Variants in ZCCHC7 observed in about 807,000 individuals in gnomAD.
ZCCHC7 encodes the protein zinc finger CCHC-type containing 7.
In ZCCHC7, 35 loss-of-function variants were observed where a neutral mutation model predicts 52.0. That is an observed-to-expected ratio of 0.67 (90% CI 0.51 to 0.89). ZCCHC7 has a LOEUF of 0.89. ZCCHC7 is among the 40% of genes least tolerant of loss of function. The pLI is 0.00. For synonymous variants in ZCCHC7, 217 were observed against 221.5 expected, an observed-to-expected ratio of 0.98 and a Z score of 0.18; for missense variants, 574 against 649.1, an observed-to-expected ratio of 0.88 and a Z score of 1.26.
At chr9:37,261,911 G>T (rs1826882833) in intron 2 of ZCCHC7, among the ~76,000 whole-genome samples, 1 of 152,086 alleles carries the variant, frequency 6.6e-6, no homozygotes, top group African/African-American at 2.4e-5. Context: ...ATAGGAACCA[G>T]AGGTCTTAGT....
intron 2 of ZCCHC7, among the ~76,000 whole-genome samples, chr9:37,177,816 C>G (rs149993849): frequency 6.6e-6 from 1 of 152,102 alleles, no homozygotes; most frequent in African/African-American, 2.4e-5. Context: ...CTGTAGAATA[C>G]CTAACCCAGT....
At chr9:37,346,384 A>G (rs1253928261) in intron 6 of ZCCHC7, among the ~76,000 whole-genome samples, 1 of 152,180 alleles carries the variant, frequency 6.6e-6, no homozygotes, top group African/African-American at 2.4e-5. Context: ...TTGCAACATT[A>G]AAAACAAAAT....
intron 2 of ZCCHC7, among the ~76,000 whole-genome samples, chr9:37,232,189 T>C (rs1000910827): frequency 6.6e-6 from 1 of 152,222 alleles, no homozygotes; most frequent in African/African-American, 2.4e-5. Flanking sequence ...GGAATGATAA[T>C]ACTGAGCACT....
intron 6 of ZCCHC7, among the ~76,000 whole-genome samples, chr9:37,332,855 C>T (rs1375845877): frequency 6.6e-6 from 1 of 151,540 alleles, no homozygotes. Flanking sequence ...TATTTTTCCT[C>T]ACATAACATT....
intron 2 of ZCCHC7, chr9:37,186,796 G>A: frequency 2.2e-6 from 1 of 454,138 alleles, no homozygotes; most frequent in Non-Finnish European, 4.2e-6. Context: ...ATTAATACAT[G>A]GGGGATGATT....
intron 2 of ZCCHC7, among the ~76,000 whole-genome samples, chr9:37,264,922 T>C (rs1827031235): frequency 6.6e-6 from 1 of 152,194 alleles, no homozygotes; most frequent in Non-Finnish European, 1.5e-5. Flanking sequence ...AGGAGTTAGC[T>C]TGTGAAAAAA....
chr9:37,271,211 T>C (rs1297156828), intron 2 of ZCCHC7, among the ~76,000 whole-genome samples: 1 of 152,222 alleles, frequency 6.6e-6, no homozygotes, highest in Non-Finnish European at 1.5e-5. Context: ...CTAATCTACA[T>C]ATAATCAGGC....
At chr9:37,355,933 T>C (rs1321322716) in intron 8 of ZCCHC7, among the ~76,000 whole-genome samples, 1 of 152,232 alleles carries the variant, frequency 6.6e-6, no homozygotes, top group East Asian at 1.9e-4. Context: ...AAGGATTATA[T>C]GTGCTTTCTG....
In ZCCHC7 at chr9:37,350,515, G is replaced by C. The variant is rs367644486; in HGVS notation, c.1083+1063G>C. ...CTACATCACATACATGTAAACCCTGGCATTCAGTGGTGAAAAAACAGATGC... is the reference window on the plus strand; with the variant it reads ...CTACATCACATACATGTAAACCCTGCCATTCAGTGGTGAAAAAACAGATGC... On this transcript the variant is annotated intron_variant, in intron 7 of 8. Coordinates refer to ENST00000336755, the MANE Select transcript of ZCCHC7 (RefSeq NM_032226.3). Among the ~76,000 whole-genome samples the C allele has an allele frequency of 9.2e-5, 14 of 152,286 alleles. 1 individual carries two copies. In the East Asian group the frequency reaches 1.3e-3, roughly 15 times the overall value.
chr9:37,347,814 A>G (rs995376273), intron 6 of ZCCHC7, among the ~76,000 whole-genome samples: 2 of 152,230 alleles, frequency 1.3e-5, no homozygotes, highest in African/African-American at 4.8e-5. Flanking sequence ...AGCAGTTGCC[A>G]CTTCAAGTGG....
At chr9:37,183,913 C>A (rs1028555085) in intron 2 of ZCCHC7, among the ~76,000 whole-genome samples, 1 of 152,204 alleles carries the variant, frequency 6.6e-6, no homozygotes, top group African/African-American at 2.4e-5. Flanking sequence ...TTGATCTAGT[C>A]CCCTCTTGGC....
At chr9:37,146,812 A>G (rs1564140980) in intron 2 of ZCCHC7, among the ~76,000 whole-genome samples, 1 of 151,898 alleles carries the variant, frequency 6.6e-6, no homozygotes, top group East Asian at 1.9e-4. Context: ...AGCTGAAAGA[A>G]GTAAATAGAT....
At chr9:37,247,481 T>G (rs1826128922) in intron 2 of ZCCHC7, among the ~76,000 whole-genome samples, 1 of 152,354 alleles carries the variant, frequency 6.6e-6, no homozygotes, top group Middle Eastern at 3.4e-3. Flanking sequence ...AAAACTTGAA[T>G]ACCCCATCTG....
At chr9:37,307,009 C>T (rs1178933671) in intron 5 of ZCCHC7, among the ~76,000 whole-genome samples, 1 of 151,304 alleles carries the variant, frequency 6.6e-6, no homozygotes, top group African/African-American at 2.4e-5. Context: ...TGGTCTCGAA[C>T]TCCTGACCTC....
intron 2 of ZCCHC7, among the ~76,000 whole-genome samples, chr9:37,232,932 T>C (rs1274074000): frequency 6.6e-6 from 1 of 152,226 alleles, no homozygotes; most frequent in Non-Finnish European, 1.5e-5. Context: ...CCTAGGGGTT[T>C]GTGTCTTCGT....
At chr9:37,346,183 A>G (rs887271855) in intron 6 of ZCCHC7, among the ~76,000 whole-genome samples, 2 of 152,080 alleles carry the variant, frequency 1.3e-5, no homozygotes, top group African/African-American at 4.8e-5. Context: ...TTGTATTTTT[A>G]GTAGAAATGA....
At chr9:37,244,977 G>A (rs1345767580) in intron 2 of ZCCHC7, among the ~76,000 whole-genome samples, 2 of 151,868 alleles carry the variant, frequency 1.3e-5, no homozygotes, top group African/African-American at 2.4e-5. Flanking sequence ...TATCATATGA[G>A]TATATAAACC....
chr9:37,335,981 C>T (rs548669016), intron 6 of ZCCHC7, among the ~76,000 whole-genome samples: 1 of 152,238 alleles, frequency 6.6e-6, no homozygotes, highest in South Asian at 2.1e-4. Flanking sequence ...TATTTGCTCT[C>T]TATACAAATG....
intron 2 of ZCCHC7, among the ~76,000 whole-genome samples, chr9:37,132,803 A>G (rs1011098091): frequency 6.6e-6 from 1 of 152,206 alleles, no homozygotes; most frequent in Non-Finnish European, 1.5e-5. Flanking sequence ...GTCTTGGGCC[A>G]CACATAAAAA....
Sources: gnomAD v4.1 joint callset for allele counts (sites outside exome capture counted in the v4.1 genomes callset) on GRCh38, gnomAD v4.1.1 for gene constraint, MANE v1.5 for transcripts, NCBI Gene and HGNC (gene_info 2026-07-23, HGNC 2026-07-21) for gene names.